PHACTR2: variants seen among roughly 807,000 people sequenced by gnomAD.
The protein encoded by PHACTR2 is phosphatase and actin regulator 2.
A neutral mutation model predicts 76.0 loss-of-function variants in PHACTR2; 30 were observed. The observed-to-expected ratio is 0.39, with a 90% CI of 0.30 to 0.54. The LOEUF is 0.54. Among genes scored for constraint, PHACTR2 ranks in the 20% least tolerant of loss-of-function variants. The pLI, the probability that PHACTR2 is intolerant of heterozygous loss-of-function variation, is 0.61. For synonymous variants in PHACTR2, 292 were observed against 292.5 expected, an observed-to-expected ratio of 1.00 and a Z score of 0.02; for missense variants, 696 against 781.1, an observed-to-expected ratio of 0.89 and a Z score of 1.30.
At position 143,678,088 on chromosome 6, in the gene PHACTR2, C is replaced by G; in HGVS notation, c.-76C>G. 1.9e-6 allele frequency: 3 copies of G among 1,544,228 alleles called. No individual in the cohort carries two copies. The highest frequency in any genetic ancestry group is 2.6e-6 in the Non-Finnish European group (3 of 1,144,134). On this transcript the variant is annotated 5_prime_UTR_variant, in exon 1 of 13. Transcript: ENST00000440869. The surrounding 1 kb of genome is among the most constrained non-coding windows in gnomAD (Gnocchi z 6.2). Reference sequence around the variant, plus strand: ...GGCCGGGACATGAACGCCTGGAAGTCTGGCTGGGAGCGGACCCATGATCGA... The same window carrying G: ...GGCCGGGACATGAACGCCTGGAAGTGTGGCTGGGAGCGGACCCATGATCGA...
At chr6:143,785,168 G>A (rs1775525210) in intron 10 of PHACTR2, among the ~76,000 whole-genome samples, 1 of 152,170 alleles carries the variant, frequency 6.6e-6, no homozygotes, top group Non-Finnish European at 1.5e-5. Context: ...AAAATCAAAA[G>A]CAAGCTAGTT....
intron 6 of PHACTR2, among the ~76,000 whole-genome samples, chr6:143,771,115 TCATATATGTACTTTA>T (rs1775090927): frequency 7.7e-6 from 1 of 130,296 alleles, no homozygotes; most frequent in African/African-American, 2.8e-5. Flanking sequence ...CAGGATTAAT[TCATATATGTACTTTA>T]CATATATATA....
intron 2 of PHACTR2, among the ~76,000 whole-genome samples, chr6:143,727,777 C>A (rs1778608067): frequency 6.6e-6 from 1 of 152,148 alleles, no homozygotes; most frequent in Non-Finnish European, 1.5e-5. Flanking sequence ...ATATCTTTTG[C>A]CCACATTTTA....
chr6:143,671,899 A>C lies in PHACTR2; in HGVS notation c.14-40117A>C, dbSNP rs1175428568. Among the ~76,000 whole-genome samples, 2 of 152,220 alleles carry C rather than the reference A, an allele frequency of 1.3e-5. No homozygotes were observed. Among genetic ancestry groups the C allele is most frequent in the Admixed American group, 1.3e-4 (2 of 15,280 alleles). On this transcript the variant is annotated intron_variant, in intron 1 of 11. Coordinates refer to the PHACTR2 transcript ENST00000305766. This position sits in a 1 kb window ranked among gnomAD's most constrained non-coding sequence, Gnocchi z 4.6. ...ACAATGGAAGGCAACCTAGAACAAA[A>C]AGGAACAAAATACAGATACACAGAG...
chr6:143,788,051 G>T (rs1184111656), intron 10 of PHACTR2, among the ~76,000 whole-genome samples: 1 of 152,204 alleles, frequency 6.6e-6, no homozygotes, highest in Admixed American at 6.5e-5. Flanking sequence ...AGAAAGAAAA[G>T]CAATATAATT....
Position 143,777,258 on chromosome 6 carries a change from TG to T in PHACTR2, c.1590-69del. 1 of 785,086 alleles carries T rather than the reference TG, an allele frequency of 1.3e-6. No homozygotes were observed. The highest frequency in any genetic ancestry group is 2.5e-5 in the East Asian group (1 of 39,354). 48.6% of individuals were successfully genotyped at this position (785,086 alleles called of 1,614,324 possible). A position where few individuals can be genotyped will look rare whatever the true frequency, so the allele number is the denominator to read the frequency against. ...CAAAACATGAAAAATAGAGCTTTGTTGTTTTATTCTGAGTCTCCTACTAGGG... is the reference window on the plus strand; with the variant it reads ...CAAAACATGAAAAATAGAGCTTTGTTTTTTATTCTGAGTCTCCTACTAGGG... On this transcript the variant is annotated intron_variant, in intron 8 of 12. Coordinates refer to ENST00000440869, the MANE Select transcript of PHACTR2 (RefSeq NM_001100164.2). This position sits in a 1 kb window ranked among gnomAD's most constrained non-coding sequence, Gnocchi z 4.6.
At chr6:143,763,532 A>T (rs1195893529) in intron 5 of PHACTR2, among the ~76,000 whole-genome samples, 1 of 152,212 alleles carries the variant, frequency 6.6e-6, no homozygotes, top group East Asian at 1.9e-4. Flanking sequence ...AGTGTGCTTA[A>T]TGAGTTTGAC....
rs1224732819 is a variant in PHACTR2, at chr6:143,538,925, C to A, written c.217+1718C>A. Among the ~76,000 whole-genome samples the A allele has an allele frequency of 3.9e-5, 6 of 152,254 alleles. No homozygotes were observed. The East Asian group carries it at 1.2e-3, about 29-fold the overall frequency. ...CATTGAGTCCGAATGTTTTTAACCA[C>A]CTGCTCTTGGTGTGCTGGCCAAACT... On this transcript the variant is annotated intron_variant, in intron 1 of 11. Transcript: ENST00000367584.
At chr6:143,727,142 A>G (rs776651994) in intron 2 of PHACTR2, among the ~76,000 whole-genome samples, 20 of 152,122 alleles carry the variant, frequency 1.3e-4, no homozygotes, top group African/African-American at 3.9e-4. Context: ...CGTAACTGTC[A>G]TTCTACTCTC....
chr6:143,765,906 G>A lies in PHACTR2; in HGVS notation c.1232+108G>A. 1.1e-6 allele frequency: 1 copy of A among 912,724 alleles called. No individual in the cohort carries two copies. 56.5% of individuals were successfully genotyped at this position (912,724 alleles called of 1,614,324 possible). ...GCTTTCTTATATAATTTAATCTACT[G>A]AGTGTTAGGTAGGCATACATGTGAT... On this transcript the variant is annotated intron_variant, in intron 6 of 12. Coordinates refer to ENST00000440869, the MANE Select transcript of PHACTR2 (RefSeq NM_001100164.2). The surrounding 1 kb of genome is among the most constrained non-coding windows in gnomAD (Gnocchi z 4.1).
rs1017370344 is a variant in PHACTR2, at chr6:143,597,974, G to A, written c.217+60767G>A. ...CAGGTGCACCTACGGAAGTAGCGGT[G>A]GGGGCTTTGGCTGTTTCTGAGCCTG... On this transcript the variant is annotated intron_variant, in intron 1 of 11. Coordinates refer to the PHACTR2 transcript ENST00000367584. This position sits in a 1 kb window ranked among gnomAD's most constrained non-coding sequence, Gnocchi z 5.7. Among the ~76,000 whole-genome samples, 1 of 152,090 alleles carries A rather than the reference G, an allele frequency of 6.6e-6. No individual in the cohort carries two copies. The highest frequency in any genetic ancestry group is 1.5e-5 in the Non-Finnish European group (1 of 68,024).
rs1048960379 is a variant in PHACTR2 at position 143,688,753 on chromosome 6, C to G, written c.46+10544C>G. Among the ~76,000 whole-genome samples the G allele has an allele frequency of 2.6e-5, 4 of 152,230 alleles. No individual in the cohort carries two copies. The highest frequency in any genetic ancestry group is 9.6e-5 in the African/African-American group (4 of 41,464). ...GCCACCGTCCAAGCTCTGGGGCCAT[C>G]CATTACATGGACAACTGCAGTAGAT... On this transcript the variant is annotated intron_variant, in intron 1 of 12. Coordinates refer to ENST00000440869, the MANE Select transcript of PHACTR2 (RefSeq NM_001100164.2). This position sits in a 1 kb window ranked among gnomAD's most constrained non-coding sequence, Gnocchi z 5.2.
chr6:143,651,340 G>A (rs1776759662), intron 1 of PHACTR2, among the ~76,000 whole-genome samples: 1 of 152,030 alleles, frequency 6.6e-6, no homozygotes. Context: ...TCATTACTGG[G>A]TGTATACCCA....
Position 143,765,272 on chromosome 6 carries a change from C to T in PHACTR2, c.706C>T (p.His236Tyr), listed in dbSNP as rs761122812. 5 of 1,611,950 alleles carry T rather than the reference C, an allele frequency of 3.1e-6. No individual in the cohort carries two copies. In the South Asian group the frequency reaches 5.5e-5, roughly 18 times the overall value. Residue 236 changes from histidine to tyrosine, a missense_variant, in exon 6 of 13, where the codon CAT becomes TAT. Around this residue, in one of 2 missense-constraint regions of PHACTR2, gnomAD observed 460 missense variants for 450.9 expected, o/e 1.02. Coordinates refer to ENST00000440869, the MANE Select transcript of PHACTR2 (RefSeq NM_001100164.2). The surrounding 1 kb of genome is among the most constrained non-coding windows in gnomAD (Gnocchi z 4.1). ...TCTCTCTATTGTAGCTGGCTCCTCT[C>T]ATTCAAAAAAAACAACTGGCTCTAA... ...NTTREAAGSS[H>Y]SKKTTGSKAS...
intron 2 of PHACTR2, among the ~76,000 whole-genome samples, chr6:143,715,734 C>T (rs1407715448): frequency 6.6e-6 from 1 of 152,196 alleles, no homozygotes; most frequent in African/African-American, 2.4e-5. Context: ...AACAGATCCC[C>T]TGCCAACCCC....
At position 143,658,917 on chromosome 6, in the gene PHACTR2, C is replaced by T. The variant is rs944846848; in HGVS notation, c.13+50595C>T. Among the ~76,000 whole-genome samples, 1 of 151,654 alleles carries T rather than the reference C, an allele frequency of 6.6e-6. No individual in the cohort carries two copies. The highest frequency in any genetic ancestry group is 1.5e-5 in the Non-Finnish European group (1 of 67,912). Reference sequence around the variant, plus strand: ...GCATGCGCCTATAATCTCAGCTGCTCTGAGGCTGAGGCAGGAGAATCGCTT... The same window carrying T: ...GCATGCGCCTATAATCTCAGCTGCTTTGAGGCTGAGGCAGGAGAATCGCTT... On this transcript the variant is annotated intron_variant, in intron 1 of 11. Coordinates refer to the PHACTR2 transcript ENST00000305766. The surrounding 1 kb of genome is among the most constrained non-coding windows in gnomAD (Gnocchi z 4.1).
intron 1 of PHACTR2, among the ~76,000 whole-genome samples, chr6:143,584,438 A>T (rs59682731): frequency 6.6e-6 from 1 of 152,184 alleles, no homozygotes; most frequent in Non-Finnish European, 1.5e-5. Context: ...GAAAAAAGAT[A>T]AAGAGTGGAA....
chr6:143,615,866 T>A (rs1227629169), intron 1 of PHACTR2, among the ~76,000 whole-genome samples: 1 of 152,224 alleles, frequency 6.6e-6, no homozygotes, highest in Admixed American at 6.5e-5. Context: ...GCCTGAATAG[T>A]CCTTTTTCTT....
chr6:143,678,095 G>C lies in PHACTR2; in HGVS notation c.-69G>C. On this transcript the variant is annotated 5_prime_UTR_variant, in exon 1 of 13. Coordinates refer to ENST00000440869, the MANE Select transcript of PHACTR2 (RefSeq NM_001100164.2). This position sits in a 1 kb window ranked among gnomAD's most constrained non-coding sequence, Gnocchi z 6.2. ...ACATGAACGCCTGGAAGTCTGGCTG[G>C]GAGCGGACCCATGATCGAAGGACCA... 2.0e-5 allele frequency: 31 copies of C among 1,544,678 alleles called. No homozygotes were observed. The highest frequency in any genetic ancestry group is 2.7e-5 in the Non-Finnish European group (31 of 1,144,382).
Sources: gnomAD v4.1 joint callset for allele counts (sites outside exome capture counted in the v4.1 genomes callset) on GRCh38, gnomAD v4.1.1 for gene constraint, gnomAD v4.1.1 regional missense constraint, Gnocchi (gnomAD v3.1) non-coding constraint, MANE v1.5 for transcripts, NCBI Gene and HGNC (gene_info 2026-07-23, HGNC 2026-07-21) for gene names.